UBE2D2: variants seen among roughly 807,000 people sequenced by gnomAD.
UBE2D2 encodes the protein ubiquitin conjugating enzyme E2 D2.
In UBE2D2, 2 loss-of-function variants were observed where a neutral mutation model predicts 24.2. The ratio of observed to expected loss-of-function variants is 0.08; its 90% CI spans 0.03 to 0.26. UBE2D2 has a LOEUF of 0.26. UBE2D2 is among the 10% of genes least tolerant of loss of function. The pLI is 1.00. For missense variants in UBE2D2, 44 were observed against 177.6 expected (o/e 0.25, Z 4.28); for synonymous variants, 58 against 56.5 (o/e 1.03, Z -0.12).
At chr5:139,619,468 A>G (rs1754473027) in intron 5 of UBE2D2, among the ~76,000 whole-genome samples, 1 of 152,080 alleles carries the variant, frequency 6.6e-6, no homozygotes, top group East Asian at 1.9e-4. Context: ...TATACAGGTT[A>G]TAGAAATAAG....
intron 1 of UBE2D2, among the ~76,000 whole-genome samples, chr5:139,550,909 C>T (rs928696975): frequency 2.6e-5 from 4 of 152,186 alleles, no homozygotes; most frequent in Admixed American, 6.5e-5. Flanking sequence ...GAGTCTGGGG[C>T]TTCATTCTTC....
chr5:139,609,570 C>T (rs1484590842), intron 2 of UBE2D2, among the ~76,000 whole-genome samples: 3 of 151,138 alleles, frequency 2.0e-5, no homozygotes, highest in East Asian at 2.0e-4. Context: ...GGGGTTTCTC[C>T]GTGTTAGTCA....
At chr5:139,531,536 A>G (rs1367142990) in intron 1 of UBE2D2, among the ~76,000 whole-genome samples, 3 of 150,554 alleles carry the variant, frequency 2.0e-5, no homozygotes, top group African/African-American at 7.3e-5. Context: ...GGTGTCTGAG[A>G]GGTTTTGTCT....
At chr5:139,612,975 G>A (rs1268651727) in intron 2 of UBE2D2, among the ~76,000 whole-genome samples, 1 of 152,126 alleles carries the variant, frequency 6.6e-6, no homozygotes, top group Non-Finnish European at 1.5e-5. Context: ...GACTTCCCTT[G>A]AAGATACTAG....
At chr5:139,561,942 G>T in intron 1 of UBE2D2, 127 bp downstream of exon 1, 1 of 1,297,752 alleles carries the variant, frequency 7.7e-7, no homozygotes, top group Non-Finnish European at 1.0e-6. Context: ...CCCTCGGGGC[G>T]GCCTCCATAC....
At position 139,549,760 on chromosome 5, in the gene UBE2D2, G is replaced by C. The variant is rs376489273; in HGVS notation, c.-64+23148G>C. Among the ~76,000 whole-genome samples, 13 of 152,332 alleles carry C rather than the reference G, an allele frequency of 8.5e-5. No homozygotes were observed. In the East Asian group the frequency reaches 2.5e-3, roughly 30 times the overall value. ...CAGAGCGGGACTAGCGGGCAACTCC[G>C]CCCCGGCCCAGCACAGGATCCACTA... is the stretch of plus-strand genomic sequence containing the variant. On this transcript the variant is annotated intron_variant, in intron 1 of 6. Transcript: ENST00000511725.
At chr5:139,606,696 T>C (rs1055536214) in intron 2 of UBE2D2, among the ~76,000 whole-genome samples, 1 of 152,232 alleles carries the variant, frequency 6.6e-6, no homozygotes, top group South Asian at 2.1e-4. Context: ...TGAAAGATTT[T>C]TGAAACAGAT....
chr5:139,624,669 G>A (rs902418416), intron 6 of UBE2D2, among the ~76,000 whole-genome samples: 2 of 152,204 alleles, frequency 1.3e-5, no homozygotes, highest in Non-Finnish European at 2.9e-5. Context: ...ACCTGTAATC[G>A]CAGCTACTCG....
intron 1 of UBE2D2, among the ~76,000 whole-genome samples, chr5:139,565,430 C>G (rs540353654): frequency 6.6e-6 from 1 of 152,280 alleles, no homozygotes; most frequent in African/African-American, 2.4e-5. Flanking sequence ...TTGTTGGTAT[C>G]TACACCACAT....
intron 1 of UBE2D2, among the ~76,000 whole-genome samples, chr5:139,596,971 C>T (rs372297506): frequency 9.9e-5 from 15 of 151,798 alleles, no homozygotes; most frequent in Admixed American, 7.9e-4. Flanking sequence ...GGCGTGAACC[C>T]GGGAGGCGGA....
At chr5:139,611,757 G>A (rs1299798698) in intron 2 of UBE2D2, among the ~76,000 whole-genome samples, 2 of 152,098 alleles carry the variant, frequency 1.3e-5, no homozygotes, top group African/African-American at 4.8e-5. Flanking sequence ...CTTGTTCACC[G>A]AAATAGTTTG....
intron 1 of UBE2D2, among the ~76,000 whole-genome samples, chr5:139,570,386 G>A (rs962595036): frequency 5.9e-5 from 9 of 152,136 alleles, no homozygotes; most frequent in Non-Finnish European, 1.0e-4. Context: ...TGTCGCCCAG[G>A]CTGAAGTGCA....
intron 1 of UBE2D2, among the ~76,000 whole-genome samples, chr5:139,546,811 T>C (rs1179352613): frequency 1.6e-5 from 2 of 128,602 alleles, no homozygotes; most frequent in African/African-American, 2.8e-5. Context: ...TTCTTTCTTC[T>C]TTCTTTCTTC....
intron 1 of UBE2D2, among the ~76,000 whole-genome samples, chr5:139,555,460 T>G (rs537262766): frequency 2.0e-5 from 3 of 152,260 alleles, no homozygotes; most frequent in Non-Finnish European, 4.4e-5. Context: ...AAATAACACT[T>G]GATCAAAGAA....
chr5:139,561,459 T>A lies in UBE2D2; in HGVS notation c.-333T>A. 1 of 306,884 alleles carries A rather than the reference T, an allele frequency of 3.3e-6. No homozygotes were observed. Among genetic ancestry groups the A allele is most frequent in the Non-Finnish European group, 6.0e-6 (1 of 166,418 alleles). 19.0% of individuals were successfully genotyped at this position (306,884 alleles called of 1,614,324 possible). A position where few individuals can be genotyped will look rare whatever the true frequency, so the allele number is the denominator to read the frequency against. ...AGAGAGGCCGGCCGAGCCCGAGGCTTGGGCTTTTGCTTTCTGGCGGAGGGA... is the reference window on the plus strand; with the variant it reads ...AGAGAGGCCGGCCGAGCCCGAGGCTAGGGCTTTTGCTTTCTGGCGGAGGGA... On this transcript the variant is annotated 5_prime_UTR_variant, in exon 1 of 7. Coordinates refer to ENST00000398733, the MANE Select transcript of UBE2D2 (RefSeq NM_003339.3).
At chr5:139,615,829 A>ATTTTTTTT (rs200247238) in intron 5 of UBE2D2, among the ~76,000 whole-genome samples, 7 of 95,410 alleles carry the variant, frequency 7.3e-5, no homozygotes, top group Non-Finnish European at 9.8e-5. Flanking sequence ...AATAATCTAG[A>ATTTTTTTT]TTTTTTTTTT....
At chr5:139,590,443 TAAA>T (rs1035963843) in intron 1 of UBE2D2, among the ~76,000 whole-genome samples, 1 of 95,046 alleles carries the variant, frequency 1.1e-5, no homozygotes, top group African/African-American at 3.7e-5. Context: ...TCAAAAAAAA[TAAA>T]AAAAAAAAAA....
At chr5:139,624,177 G>T (rs1406950644) in intron 6 of UBE2D2, among the ~76,000 whole-genome samples, 1 of 152,148 alleles carries the variant, frequency 6.6e-6, no homozygotes, top group African/African-American at 2.4e-5. Flanking sequence ...GCCATTAGAC[G>T]TGAAAGCCCC....
intron 1 of UBE2D2, among the ~76,000 whole-genome samples, chr5:139,566,383 TGCACA>T (rs1753218294): frequency 9.5e-3 from 2 of 210 alleles, no homozygotes; most frequent in Non-Finnish European, 0.022. Context: ...TTTCAGGTCA[TGCACA>T]GTGGGTCATG....
Sources: allele counts gnomAD v4.1 joint callset (sites outside exome capture counted in the v4.1 genomes callset), GRCh38; gene constraint gnomAD v4.1.1; transcripts MANE v1.5; gene names NCBI Gene and HGNC (gene_info 2026-07-23, HGNC 2026-07-21).